The following CTNNA3 variants were observed in gnomAD, a reference collection of about 807,000 sequenced individuals.
CTNNA3 encodes the protein catenin alpha-3.
A neutral mutation model predicts 95.7 loss-of-function variants in CTNNA3; 76 were observed. That is an observed-to-expected ratio of 0.79 (90% CI 0.66 to 0.96). The LOEUF (loss-of-function observed/expected upper bound fraction) is 0.96, where lower values mean the gene tolerates loss of function less well. Ranked by LOEUF, CTNNA3 falls within the 40% of genes least tolerant of loss-of-function variation. The pLI, the probability that CTNNA3 is intolerant of heterozygous loss-of-function variation, is 0.00. For missense variants in CTNNA3, 1,191 were observed against 1,089.8 expected, an observed-to-expected ratio of 1.09 and a Z score of -1.31; for synonymous variants, 431 against 374.4, an observed-to-expected ratio of 1.15 and a Z score of -1.74.
intron 1 of CTNNA3, among the ~76,000 whole-genome samples, chr10:67,663,920 C>T (rs576726534): frequency 2.0e-5 from 3 of 152,216 alleles, no homozygotes; most frequent in African/African-American, 2.4e-5. Flanking sequence ...AGGTGTCCTG[C>T]GAGTATGTGA....
At chr10:67,001,106 TC>T (rs1851658193) in intron 7 of CTNNA3, among the ~76,000 whole-genome samples, 1 of 151,456 alleles carries the variant, frequency 6.6e-6, no homozygotes, top group African/African-American at 2.4e-5. Context: ...ATCGAGACCA[TC>T]CTGGCCAACA....
chr10:66,687,532 G>A (rs1847342489), intron 9 of CTNNA3, among the ~76,000 whole-genome samples: 2 of 152,006 alleles, frequency 1.3e-5, no homozygotes, highest in South Asian at 4.2e-4. Flanking sequence ...TAAATCCCTA[G>A]AATAAATAAA....
chr10:66,342,078 C>G (rs1469289298), intron 12 of CTNNA3, among the ~76,000 whole-genome samples: 1 of 151,858 alleles, frequency 6.6e-6, no homozygotes, highest in Admixed American at 6.6e-5. Context: ...TTTCAATATT[C>G]TAATTCTAAT....
In CTNNA3 at chr10:66,444,661, G is replaced by C. The variant is rs181944628; in HGVS notation, c.1532-65309C>G. On this transcript the variant is annotated intron_variant, in intron 11 of 17. Transcript: ENST00000433211. ...TCACCACCAGGCCTGCCCTAAAAGA[G>C]CTCCTGAAGGAAGCACTAAACATGG... Among the ~76,000 whole-genome samples, 2,752 of 152,130 alleles carry C rather than the reference G, an allele frequency of 0.018. 195 individuals are homozygous for C. In the East Asian group the frequency reaches 0.24, roughly 13 times the overall value.
chr10:67,033,674 A>C (rs1377996605), intron 7 of CTNNA3, among the ~76,000 whole-genome samples: 1 of 152,230 alleles, frequency 6.6e-6, no homozygotes, highest in African/African-American at 2.4e-5. Context: ...TAAAGAGAAG[A>C]ATACTGAGGT....
intron 9 of CTNNA3, among the ~76,000 whole-genome samples, chr10:66,673,669 C>T (rs145123167): frequency 3.7e-4 from 56 of 151,966 alleles, no homozygotes; most frequent in African/African-American, 1.3e-3. Flanking sequence ...ACAGCCACAT[C>T]GTCAAAGGAT....
At chr10:66,909,353 T>G (rs1437410729) in intron 7 of CTNNA3, among the ~76,000 whole-genome samples, 1 of 151,924 alleles carries the variant, frequency 6.6e-6, no homozygotes, top group Admixed American at 6.6e-5. Flanking sequence ...CTACTAAAAA[T>G]ACAAAAATTA....
rs1411856918 is a variant in CTNNA3, at chr10:66,199,980, T to C, written c.1884+80490A>G. Reference sequence around the variant, plus strand: ...AGTTATCTTTTTAACTAAATTCCTATGGGCATCAAATGAACAGGAAGTAGC... The same window carrying C: ...AGTTATCTTTTTAACTAAATTCCTACGGGCATCAAATGAACAGGAAGTAGC... On this transcript the variant is annotated intron_variant, in intron 13 of 17. Coordinates refer to ENST00000433211, the MANE Select transcript of CTNNA3 (RefSeq NM_013266.4). Among the ~76,000 whole-genome samples, 4 of 150,366 alleles carry C rather than the reference T, an allele frequency of 2.7e-5. No homozygotes were observed. In the East Asian group the frequency reaches 7.8e-4, roughly 29 times the overall value.
intron 9 of CTNNA3, among the ~76,000 whole-genome samples, chr10:66,726,048 C>T (rs1848772176): frequency 6.6e-6 from 1 of 151,982 alleles, no homozygotes. Flanking sequence ...TCTTTATGGT[C>T]TTGAACAAAT....
At chr10:67,351,486 T>C (rs1842636057) in intron 5 of CTNNA3, among the ~76,000 whole-genome samples, 1 of 151,886 alleles carries the variant, frequency 6.6e-6, no homozygotes, top group African/African-American at 2.4e-5. Flanking sequence ...AAAAAGATAA[T>C]GTAACTGAGT....
chr10:67,597,003 A>G (rs1236085687), intron 3 of CTNNA3, among the ~76,000 whole-genome samples: 1 of 152,170 alleles, frequency 6.6e-6, no homozygotes, highest in Non-Finnish European at 1.5e-5. Flanking sequence ...GTTGTTTCAA[A>G]GAACCATCCT....
At chr10:67,210,831 C>T (rs1157364469) in intron 6 of CTNNA3, among the ~76,000 whole-genome samples, 2 of 152,168 alleles carry the variant, frequency 1.3e-5, no homozygotes, top group Non-Finnish European at 2.9e-5. Flanking sequence ...ATTATCCACT[C>T]CTATTACACA....
intron 7 of CTNNA3, among the ~76,000 whole-genome samples, chr10:66,806,358 AAC>A (rs1464837399): frequency 6.6e-6 from 1 of 151,638 alleles, no homozygotes; most frequent in Admixed American, 6.6e-5. Context: ...AGTGCCATAT[AAC>A]AATGAGGAAA....
intron 13 of CTNNA3, among the ~76,000 whole-genome samples, chr10:66,113,077 A>G (rs1412810674): frequency 6.6e-6 from 1 of 152,164 alleles, no homozygotes; most frequent in Non-Finnish European, 1.5e-5. Context: ...ACCATTCTAC[A>G]TTCCCACCAA....
intron 10 of CTNNA3, among the ~76,000 whole-genome samples, chr10:66,566,781 C>G (rs1388858346): frequency 6.6e-6 from 1 of 151,770 alleles, no homozygotes; most frequent in African/African-American, 2.4e-5. Context: ...CTTTCCCAAG[C>G]TGAGATTTGA....
chr10:66,677,789 G>A (rs550169379), intron 9 of CTNNA3, among the ~76,000 whole-genome samples: 32 of 152,006 alleles, frequency 2.1e-4, no homozygotes, highest in South Asian at 6.2e-4. Context: ...TAAATTACCC[G>A]GTCTCTGGTA....
At position 66,295,409 on chromosome 10, in the gene CTNNA3, A is replaced by G. The variant is rs1468191057; in HGVS notation, c.1733-14788T>C. Among the ~76,000 whole-genome samples the G allele has an allele frequency of 3.3e-5, 5 of 152,306 alleles. No homozygotes were observed. In the South Asian group the frequency reaches 8.3e-4, roughly 25 times the overall value. On this transcript the variant is annotated intron_variant, in intron 12 of 17. Transcript: ENST00000433211. ...AAGAAAGCTTAGTAGCAGAGATCCTATCTACATTCAGAATGGGACTCAGTG... is the reference window on the plus strand; with the variant it reads ...AAGAAAGCTTAGTAGCAGAGATCCTGTCTACATTCAGAATGGGACTCAGTG...
chr10:66,580,463 T>C (rs1379032084), intron 10 of CTNNA3, among the ~76,000 whole-genome samples: 1 of 151,810 alleles, frequency 6.6e-6, no homozygotes, highest in Non-Finnish European at 1.5e-5. Flanking sequence ...AAATAGGTGA[T>C]ATTTTTTCAT....
chr10:67,552,520 C>T (rs1014124913), intron 3 of CTNNA3, among the ~76,000 whole-genome samples: 4 of 151,740 alleles, frequency 2.6e-5, no homozygotes, highest in Non-Finnish European at 4.4e-5. Flanking sequence ...GCTAGAGTCT[C>T]GGGGGTTTTT....
Sources: allele counts gnomAD v4.1 joint callset (sites outside exome capture counted in the v4.1 genomes callset), GRCh38; gene constraint gnomAD v4.1.1; transcripts MANE v1.5; gene names NCBI Gene and HGNC (gene_info 2026-07-23, HGNC 2026-07-21).